The following MAP4K3 variants were observed in gnomAD, a reference collection of about 807,000 sequenced individuals.
The protein encoded by MAP4K3 is MAPK/ERK kinase kinase kinase 3.
In MAP4K3, 94 loss-of-function variants were observed where a neutral mutation model predicts 143.5. That is an observed-to-expected ratio of 0.65 (90% CI 0.55 to 0.78). The LOEUF (loss-of-function observed/expected upper bound fraction) is 0.78, where lower values mean the gene tolerates loss of function less well. Ranked by LOEUF, MAP4K3 falls within the 30% of genes least tolerant of loss-of-function variation. MAP4K3 has a pLI of 0.00. For synonymous variants in MAP4K3, 416 were observed against 347.2 expected (o/e 1.20, Z -2.20); for missense variants, 1,077 against 1,068.1 (o/e 1.01, Z -0.12).
intron 1 of MAP4K3, among the ~76,000 whole-genome samples, chr2:39,416,446 T>C (rs575054608): frequency 6.6e-6 from 1 of 152,132 alleles, no homozygotes; most frequent in African/African-American, 2.4e-5. Flanking sequence ...GAGAACCACA[T>C]GCTTCTACCA....
intron 16 of MAP4K3, among the ~76,000 whole-genome samples, chr2:39,297,973 A>C (rs905674839): frequency 6.6e-6 from 1 of 152,202 alleles, no homozygotes; most frequent in Non-Finnish European, 1.5e-5. Flanking sequence ...AAACTAAGGA[A>C]TCTGGAAAAG....
chr2:39,280,189 G>A, intron 23 of MAP4K3, 83 bp downstream of exon 23: 3 of 815,264 alleles, frequency 3.7e-6, no homozygotes, highest in South Asian at 5.3e-5. Flanking sequence ...AAGATACTCA[G>A]AAAATAAACA....
chr2:39,345,696 G>A (rs2148538642), intron 3 of MAP4K3, among the ~76,000 whole-genome samples: 1 of 152,064 alleles, frequency 6.6e-6, no homozygotes, highest in African/African-American at 2.4e-5. Context: ...GAGGCGGGCG[G>A]ATCACGAGGT....
At chr2:39,285,022 A>C (rs1220078948) in intron 21 of MAP4K3, among the ~76,000 whole-genome samples, 1 of 151,876 alleles carries the variant, frequency 6.6e-6, no homozygotes, top group African/African-American at 2.4e-5. Context: ...CCTCCTGAGC[A>C]GCTAGGATTA....
chr2:39,326,332 C>T, intron 8 of MAP4K3, 55 bp from the exon 9 acceptor site: 11 of 1,578,070 alleles, frequency 7.0e-6, no homozygotes, highest in Non-Finnish European at 9.5e-6. Context: ...TTCCTTTATA[C>T]TCCCACCCAG....
At chr2:39,277,993 A>T (rs1162507016) in intron 24 of MAP4K3, among the ~76,000 whole-genome samples, 4 of 151,188 alleles carry the variant, frequency 2.6e-5, no homozygotes, top group Non-Finnish European at 4.4e-5. Flanking sequence ...CTAAAAACAC[A>T]AAAATTAGCC....
chr2:39,265,375 A>AAAAAAAC, intron 27 of MAP4K3, 69 bp from the exon 28 acceptor site: 1 of 951,960 alleles, frequency 1.1e-6, no homozygotes, highest in Non-Finnish European at 1.7e-6. Context: ...TTGCATGCTC[A>AAAAAAAC]AAAAAACAAA....
intron 1 of MAP4K3, among the ~76,000 whole-genome samples, chr2:39,422,576 G>C (rs191157976): frequency 6.6e-6 from 1 of 152,152 alleles, no homozygotes; most frequent in East Asian, 1.9e-4. Flanking sequence ...AGAAGCTATA[G>C]CAAATTAACA....
At chr2:39,309,658 C>G (rs1015656869) in intron 13 of MAP4K3, 139 bp from the exon 14 acceptor site, 1 of 530,680 alleles carries the variant, frequency 1.9e-6, no homozygotes, top group East Asian at 3.4e-5. Flanking sequence ...CCTGGGTTCC[C>G]ACCATTTCCC....
intron 19 of MAP4K3, 47 bp downstream of exon 19, chr2:39,290,245 C>T (rs199957416): frequency 2.4e-4 from 344 of 1,406,244 alleles, no homozygotes; most frequent in Middle Eastern, 1.5e-3. Context: ...ATTAAATTGG[C>T]AGAACAATAA....
At chr2:39,432,283 G>A (rs1197004051) in intron 1 of MAP4K3, among the ~76,000 whole-genome samples, 1 of 152,210 alleles carries the variant, frequency 6.6e-6, no homozygotes, top group Non-Finnish European at 1.5e-5. Flanking sequence ...AAAGGCTGGA[G>A]GTAAGTACTT....
intron 24 of MAP4K3, among the ~76,000 whole-genome samples, chr2:39,273,841 C>CA (rs1346013367): frequency 6.6e-6 from 1 of 152,076 alleles, no homozygotes; most frequent in Non-Finnish European, 1.5e-5. Context: ...CTGCTTTTCA[C>CA]AAAAAATTCA....
intron 3 of MAP4K3, among the ~76,000 whole-genome samples, chr2:39,349,578 T>C (rs1665391213): frequency 6.6e-6 from 1 of 152,086 alleles, no homozygotes; most frequent in South Asian, 2.1e-4. Context: ...GCCACTGGTA[T>C]ATTAAAGGCT....
chr2:39,355,162 A>G (rs991850210), intron 3 of MAP4K3, among the ~76,000 whole-genome samples: 1 of 152,116 alleles, frequency 6.6e-6, no homozygotes, highest in Admixed American at 6.5e-5. Context: ...CAGGAGATCA[A>G]GACCATCGTG....
At chr2:39,299,337 T>C (rs963817148) in intron 16 of MAP4K3, among the ~76,000 whole-genome samples, 3 of 152,180 alleles carry the variant, frequency 2.0e-5, no homozygotes, top group Admixed American at 1.3e-4. Flanking sequence ...AAAAACCTTA[T>C]AGCTAAAAAG....
intron 16 of MAP4K3, among the ~76,000 whole-genome samples, chr2:39,297,902 T>C (rs889183176): frequency 1.3e-5 from 2 of 152,150 alleles, no homozygotes; most frequent in Admixed American, 6.5e-5. Flanking sequence ...TATTAACATT[T>C]TACCTAGCCA....
intron 13 of MAP4K3, among the ~76,000 whole-genome samples, 164 bp from the exon 14 acceptor site, chr2:39,309,683 G>C (rs181885335): frequency 7.0e-6 from 1 of 143,358 alleles, no homozygotes; most frequent in Non-Finnish European, 1.5e-5. Context: ...TCAGCCTCCC[G>C]AGTAGCTGGG....
chr2:39,358,563 G>A (rs1445561444), intron 2 of MAP4K3, among the ~76,000 whole-genome samples: 1 of 152,114 alleles, frequency 6.6e-6, no homozygotes. Context: ...GATCCAAAGT[G>A]TATCATTTTG....
At chr2:39,259,779 A>G (rs917310573) in intron 29 of MAP4K3, among the ~76,000 whole-genome samples, 3 of 152,310 alleles carry the variant, frequency 2.0e-5, no homozygotes, top group South Asian at 2.1e-4. Context: ...TTGTTTGAAG[A>G]AAAAAAGTGC....
Sources: gnomAD v4.1 joint callset for allele counts (sites outside exome capture counted in the v4.1 genomes callset) on GRCh38, gnomAD v4.1.1 for gene constraint, MANE v1.5 for transcripts, NCBI Gene and HGNC (gene_info 2026-07-23, HGNC 2026-07-21) for gene names.